The following FTCD variants were observed in gnomAD, a reference collection of about 807,000 sequenced individuals.
FTCD encodes the protein formimidoyltransferase cyclodeaminase, also known as formimidoyltransferase-cyclodeaminase.
Under a neutral mutation model 62.9 loss-of-function variants are expected in FTCD, and 76 were observed. The ratio of observed to expected loss-of-function variants is 1.21; its 90% CI spans 1.00 to 1.46. The LOEUF is 1.46. FTCD is among the 40% of genes most tolerant of loss of function. The probability of loss-of-function intolerance (pLI) is 0.00; values close to 1 mark genes in which losing one functional copy is unlikely to be tolerated. For missense variants in FTCD, 845 were observed against 751.3 expected (o/e 1.12, Z -1.46); for synonymous variants, 397 against 336.9 (o/e 1.18, Z -1.95).
chr21:46,147,365 A>G (rs1159315101), intron 7 of FTCD, among the ~76,000 whole-genome samples: 1 of 152,152 alleles, frequency 6.6e-6, no homozygotes, highest in Non-Finnish European at 1.5e-5. Context: ...CCGACACCGA[A>G]TTCACTCTTG....
chr21:46,139,013 C>T (rs1168048181), intron 10 of FTCD, 90 bp from the exon 11 acceptor site: 3 of 993,198 alleles, frequency 3.0e-6, no homozygotes, highest in South Asian at 1.3e-5. Flanking sequence ...TAGCAAGGAG[C>T]ATGTCCCAGG....
rs779557442 is a variant in FTCD at position 46,155,449 on chromosome 21, G to C, written c.54+21C>G. 6 of 1,604,998 alleles carry C rather than the reference G, an allele frequency of 3.7e-6. No individual in the cohort carries two copies. The East Asian group carries it at 1.3e-4, about 36-fold the overall frequency. On this transcript the variant is annotated intron_variant, in intron 1 of 13. Coordinates refer to ENST00000397746, the MANE Select transcript of FTCD (RefSeq NM_206965.2). ...GCTGCCCCATCAGCCCTAGATGCTT[G>C]ACCAGCTCCTCGGGCCTCACCTCCT...
At chr21:46,154,379 G>A (rs1439766668) in intron 1 of FTCD, 47 bp from the exon 2 acceptor site, 5 of 1,573,014 alleles carry the variant, frequency 3.2e-6, no homozygotes, top group Non-Finnish European at 4.3e-6. Context: ...CCGTTTGAAA[G>A]AAGGAAAAGG....
At chr21:46,146,578 G>A in intron 7 of FTCD, 1 of 580,062 alleles carries the variant, frequency 1.7e-6, no homozygotes, top group Non-Finnish European at 3.1e-6. Context: ...TGCCCTTGGG[G>A]AACCTGAGGC....
intron 12 of FTCD, among the ~76,000 whole-genome samples, chr21:46,137,798 A>G (rs951998104): frequency 6.6e-6 from 1 of 152,034 alleles, no homozygotes. Flanking sequence ...GAAAGTGCTG[A>G]GCCCATGAGA....
In FTCD at chr21:46,153,005, A is replaced by G; in HGVS notation, c.269T>C (p.Val90Ala). The G allele has an allele frequency of 1.3e-6, 2 of 1,550,338 alleles. No individual in the cohort carries two copies. Among genetic ancestry groups the G allele is most frequent in the Middle Eastern group, 1.7e-4 (1 of 5,878 alleles). The change falls in exon 3 of 14, where the codon GTC (valine) becomes GCC (alanine). Residue 90 changes from valine to alanine, a missense_variant. By Grantham distance (64) the Val-to-Ala change is moderately conservative. Coordinates refer to ENST00000397746, the MANE Select transcript of FTCD (RefSeq NM_206965.2). ...GEHPRMGALDVCPFIPVRGVS... is the reference protein window; with the variant it reads ...GEHPRMGALDACPFIPVRGVS... ...GCCCCTCACGGGGATGAAGGGGCAG[A>G]CGTCTAGGGCCCCCATGCGGGGGTG...
chr21:46,137,985 C>T (rs979596169), intron 12 of FTCD, among the ~76,000 whole-genome samples: 1 of 152,066 alleles, frequency 6.6e-6, no homozygotes, highest in Non-Finnish European at 1.5e-5. Flanking sequence ...CAGCCTTGAC[C>T]TCCTGTGCTC....
chr21:46,141,638 A>G (rs544208406), intron 10 of FTCD, among the ~76,000 whole-genome samples: 20 of 152,256 alleles, frequency 1.3e-4, no homozygotes, highest in Non-Finnish European at 2.9e-4. Context: ...AGTCATTGTC[A>G]GAAGCCCCAC....
In FTCD at chr21:46,138,643, G is replaced by A. The variant is rs1320207218; in HGVS notation, c.1308C>T (p.Arg436=). Reference sequence around the variant, plus strand: ...TCAGACCCTCCTGTAGGGCCGCCGTGCGCCTGAAAGGAGCAAGAGGAGAGC... The same window carrying A: ...TCAGACCCTCCTGTAGGGCCGCCGTACGCCTGAAAGGAGCAAGAGGAGAGC... ...PKNTPEEKDR[R]TAALQEGLRR... is the part of the protein sequence containing the mutation. Residue 436 remains arginine, a synonymous_variant, in exon 12 of 14, where the codon CGC becomes CGT. Coordinates refer to ENST00000397746, the MANE Select transcript of FTCD (RefSeq NM_206965.2). 2 of 1,595,454 alleles carry A rather than the reference G, an allele frequency of 1.3e-6. No individual in the cohort carries two copies.
At chr21:46,140,553 C>G in intron 10 of FTCD, among the ~76,000 whole-genome samples, 1 of 139,700 alleles carries the variant, frequency 7.2e-6, no homozygotes, top group Admixed American at 7.2e-5. Context: ...GTAAACCAAC[C>G]CAGCACTCCC....
At chr21:46,139,073 A>C in intron 10 of FTCD, 150 bp from the exon 11 acceptor site, 4 of 695,872 alleles carry the variant, frequency 5.7e-6, no homozygotes, top group East Asian at 2.7e-5. Context: ...AGTGGTTTAT[A>C]GCCCTTAGCA....
chr21:46,146,632 T>C, intron 7 of FTCD: 1 of 524,522 alleles, frequency 1.9e-6, no homozygotes, highest in East Asian at 3.2e-5. Context: ...AGCAAACTGC[T>C]GCTCATGCTT....
chr21:46,145,453 C>T lies in FTCD; in HGVS notation c.1224G>A (p.Leu408=), dbSNP rs748834465. 9 of 1,560,158 alleles carry T rather than the reference C, an allele frequency of 5.8e-6. No individual in the cohort carries two copies. Among genetic ancestry groups the T allele is most frequent in the South Asian group, 4.7e-5 (4 of 84,716 alleles). ...TGAAGGCCTCGGCGTCGGCATCCACCAGCGTGGTTAGCTTGGCCGAAGCCT... is the reference window on the plus strand; with the variant it reads ...TGAAGGCCTCGGCGTCGGCATCCACTAGCGTGGTTAGCTTGGCCGAAGCCT... ...FREASAKLTT[L]VDADAEAFTA... is the part of the protein sequence containing the mutation. The change falls in exon 10 of 14, where the codon CTG becomes CTA. Residue 408 remains leucine, a synonymous_variant. Coordinates refer to ENST00000397746, the MANE Select transcript of FTCD (RefSeq NM_206965.2).
intron 10 of FTCD, among the ~76,000 whole-genome samples, chr21:46,143,041 C>T (rs150108815): frequency 6.6e-6 from 1 of 152,302 alleles, no homozygotes; most frequent in African/African-American, 2.4e-5. Flanking sequence ...CCAGCTTCAC[C>T]TCTCCACAGG....
chr21:46,152,741 C>T (rs180884892), intron 3 of FTCD, 166 bp downstream of exon 3: 118 of 607,780 alleles, frequency 1.9e-4, no homozygotes, highest in Admixed American at 3.5e-4. Flanking sequence ...GGCGAGGCTG[C>T]GTTTATTTCG....
At chr21:46,153,275 T>TG (rs886469083) in intron 2 of FTCD, among the ~76,000 whole-genome samples, 2 of 152,174 alleles carry the variant, frequency 1.3e-5, no homozygotes, top group Non-Finnish European at 2.9e-5. Flanking sequence ...CCAGCCAGTG[T>TG]GGGGGAGGTC....
chr21:46,151,624 G>A lies in FTCD; in HGVS notation c.570C>T (p.Leu190=), dbSNP rs769153622. The A allele has an allele frequency of 1.8e-5, 29 of 1,612,908 alleles. No individual in the cohort carries two copies. Among genetic ancestry groups the A allele is most frequent in the East Asian group, 4.5e-5 (2 of 44,882 alleles). Residue 190 remains leucine, a synonymous_variant, in exon 5 of 14, where the codon CTC becomes CTT. Transcript: ENST00000397746. ...TGCGGTGGGCTTGCTCCTTTGTGCCGAGCAGGTTGATGTTAAAAGCAATGA... is the reference window on the plus strand; with the variant it reads ...TGCGGTGGGCTTGCTCCTTTGTGCCAAGCAGGTTGATGTTAAAAGCAATGA... ...KFLIAFNINL[L]GTKEQAHRIA...
chr21:46,152,777 T>C (rs1457341212), intron 3 of FTCD, 130 bp downstream of exon 3: 4 of 759,262 alleles, frequency 5.3e-6, no homozygotes, highest in African/African-American at 3.5e-5. Flanking sequence ...CGCTTCTGCA[T>C]GTTGGCTTTT....
At chr21:46,145,789 G>T (rs1397842741) in intron 9 of FTCD, 29 bp downstream of exon 9, 1 of 26,256 alleles carries the variant, frequency 3.8e-5, no homozygotes, top group South Asian at 8.2e-4. Flanking sequence ...CAACAACTGC[G>T]CCTCCCCTGC....
Sources: allele counts gnomAD v4.1 joint callset (sites outside exome capture counted in the v4.1 genomes callset), GRCh38; gene constraint gnomAD v4.1.1; transcripts MANE v1.5; gene names NCBI Gene and HGNC (gene_info 2026-07-23, HGNC 2026-07-21).